Variants in ZCCHC4 observed in about 807,000 individuals in gnomAD.
ZCCHC4 encodes the protein zinc finger CCHC-type containing 4.
ZCCHC4 carries 54 observed loss-of-function variants against 67.7 expected under a neutral mutation model. The ratio of observed to expected loss-of-function variants is 0.80; its 90% CI spans 0.64 to 1.00. The LOEUF is 1.00. ZCCHC4 is among the 50% of genes least tolerant of loss of function. ZCCHC4 has a pLI of 0.00. For synonymous variants in ZCCHC4, 198 were observed against 213.5 expected, an observed-to-expected ratio of 0.93 and a Z score of 0.63; for missense variants, 609 against 617.0, an observed-to-expected ratio of 0.99 and a Z score of 0.14.
chr4:25,319,257 C>T (rs370401252), intron 3 of ZCCHC4, among the ~76,000 whole-genome samples: 12 of 152,028 alleles, frequency 7.9e-5, no homozygotes, highest in African/African-American at 2.4e-4. Flanking sequence ...TGGTGGCGGG[C>T]GCCTGTAGTC....
chr4:25,361,933 C>T lies in ZCCHC4; in HGVS notation c.1086C>T (p.Thr362=). 1 of 1,614,002 alleles carries T rather than the reference C, an allele frequency of 6.2e-7. No individual in the cohort carries two copies. Among genetic ancestry groups the T allele is most frequent in the African/African-American group, 1.3e-5 (1 of 75,034 alleles). Residue 362 remains threonine, a synonymous_variant, in exon 9 of 13, where the codon ACC becomes ACT. Coordinates refer to ENST00000302874, the MANE Select transcript of ZCCHC4 (RefSeq NM_024936.3). ...AACAGTCTCCCGTGCGTATTTTCAC[C>T]AACATTCCGCCCAACAAAATAATCC... is the stretch of plus-strand genomic sequence containing the variant. ...GRKQSPVRIF[T]NIPPNKIILP...
intron 8 of ZCCHC4, among the ~76,000 whole-genome samples, chr4:25,356,086 A>T (rs540437349): frequency 1.3e-5 from 2 of 152,242 alleles, no homozygotes; most frequent in Non-Finnish European, 2.9e-5. Context: ...GTTACAGAAG[A>T]CATTTGCGTA....
At chr4:25,366,197 C>A in intron 12 of ZCCHC4, 1 of 976,504 alleles carries the variant, frequency 1.0e-6, no homozygotes, top group Non-Finnish European at 1.2e-6. Context: ...TGAATTCTGG[C>A]TACTATTACA....
At chr4:25,357,198 C>A (rs1158304812) in intron 8 of ZCCHC4, among the ~76,000 whole-genome samples, 1 of 152,218 alleles carries the variant, frequency 6.6e-6, no homozygotes. Flanking sequence ...TATAGAATAG[C>A]TATCAGATCC....
intron 8 of ZCCHC4, chr4:25,351,983 G>C (rs781424645): frequency 4.2e-5 from 44 of 1,054,812 alleles, no homozygotes; most frequent in Non-Finnish European, 4.6e-5. Context: ...AGGGTTTAGA[G>C]CGGCTGATTT....
chr4:25,349,696 C>A, intron 7 of ZCCHC4, 54 bp downstream of exon 7: 2 of 1,558,430 alleles, frequency 1.3e-6, no homozygotes, highest in South Asian at 1.2e-5. Flanking sequence ...TACTTCCTGT[C>A]AAATATTAGC....
intron 10 of ZCCHC4, 86 bp downstream of exon 10, chr4:25,362,387 TTTG>T (rs1321092913): frequency 5.8e-6 from 5 of 859,166 alleles, no homozygotes; most frequent in South Asian, 4.9e-5. Flanking sequence ...TCAATGTTAT[TTTG>T]TTAATAGGAT....
At position 25,337,663 on chromosome 4, in the gene ZCCHC4, C is replaced by A. The variant is rs114337035; in HGVS notation, c.686+3675C>A. 9.2e-3 allele frequency among the ~76,000 whole-genome samples: 1,402 copies of A among 152,222 alleles called. 13 individuals carry two copies. Among genetic ancestry groups the A allele is most frequent in the African/African-American group, 0.032 (1,330 of 41,534 alleles). On this transcript the variant is annotated intron_variant, in intron 5 of 12. Coordinates refer to ENST00000302874, the MANE Select transcript of ZCCHC4 (RefSeq NM_024936.3). The stretch of plus-strand genomic sequence containing the variant: ...AGTAGGGATGTAGGTGCTGGAGAGA[C>A]AAAAAACCAGATGTCCATAACTAAA...
intron 8 of ZCCHC4, among the ~76,000 whole-genome samples, chr4:25,361,482 C>T (rs1720734864): frequency 6.6e-6 from 1 of 152,240 alleles, no homozygotes; most frequent in East Asian, 1.9e-4. Context: ...ATGTGAGGCT[C>T]ATTAGGTGAT....
Position 25,315,385 on chromosome 4 carries a change from C to G in ZCCHC4, c.314C>G (p.Thr105Arg). The G allele has an allele frequency of 6.2e-7, 1 of 1,612,322 alleles. No homozygotes were observed. Among genetic ancestry groups the G allele is most frequent in the Non-Finnish European group, 8.5e-7 (1 of 1,179,026 alleles). Residue 105 changes from threonine (T) to arginine (R), a missense_variant, in exon 3 of 13, where the codon ACG (threonine) becomes AGG (arginine). By Grantham distance (71) the Thr-to-Arg change is moderately conservative. Coordinates refer to ENST00000302874, the MANE Select transcript of ZCCHC4 (RefSeq NM_024936.3). ...NRRCQPPLSRTQCVERYLKFI... is the reference protein window; with the variant it reads ...NRRCQPPLSRRQCVERYLKFI... ...AGATGTCAGCCTCCCCTGTCCCGAA[C>G]GCAGTGTGTGGAAAGGTACTGATGC...
At chr4:25,338,971 T>G (rs891895882) in intron 5 of ZCCHC4, among the ~76,000 whole-genome samples, 1 of 152,132 alleles carries the variant, frequency 6.6e-6, no homozygotes, top group East Asian at 1.9e-4. Context: ...CAACAGAAAT[T>G]TATTCTCTCA....
intron 5 of ZCCHC4, among the ~76,000 whole-genome samples, chr4:25,339,504 A>G (rs1025291474): frequency 2.0e-5 from 3 of 152,244 alleles, no homozygotes; most frequent in African/African-American, 7.2e-5. Flanking sequence ...TTTGTATTCC[A>G]TGATGGCTAG....
rs575469552 is a variant in ZCCHC4 at position 25,364,778 on chromosome 4, T to G, written c.1262-244T>G. ...ACTCAGCCAGCCTCCATTGTAACAG[T>G]AGCTGTCAGCTCATAACTCATTGGA... On this transcript the variant is annotated intron_variant, in intron 11 of 12. Coordinates refer to ENST00000302874, the MANE Select transcript of ZCCHC4 (RefSeq NM_024936.3). 1.2e-4 allele frequency among the ~76,000 whole-genome samples: 18 copies of G among 152,304 alleles called. No individual in the cohort carries two copies. In the South Asian group the frequency reaches 2.7e-3, roughly 23 times the overall value.
chr4:25,312,822 A>T lies in ZCCHC4; in HGVS notation c.13A>T (p.Arg5Trp). The change falls in exon 1 of 13, where the codon AGG (arginine) becomes TGG (tryptophan). Residue 5 changes from arginine (R) to tryptophan (W), a missense_variant. Coordinates refer to ENST00000302874, the MANE Select transcript of ZCCHC4 (RefSeq NM_024936.3). MAASRNGFEAVEAEG... is the reference protein window; with the variant it reads MAASWNGFEAVEAEG... ...CGGCGGCGGGAAGATGGCGGCCTCCAGGAATGGGTTTGAAGCCGTGGAGGC... is the reference window on the plus strand; with the variant it reads ...CGGCGGCGGGAAGATGGCGGCCTCCTGGAATGGGTTTGAAGCCGTGGAGGC... 6.2e-7 allele frequency: 1 copy of T among 1,613,238 alleles called. No individual in the cohort carries two copies. Among genetic ancestry groups the T allele is most frequent in the Non-Finnish European group, 8.5e-7 (1 of 1,179,980 alleles).
chr4:25,350,000 C>T (rs547037941), intron 7 of ZCCHC4, among the ~76,000 whole-genome samples: 5 of 152,188 alleles, frequency 3.3e-5, no homozygotes, highest in South Asian at 4.1e-4. Context: ...TGAACAAAGC[C>T]GACACATACC....
Position 25,333,953 on chromosome 4 carries a change from T to TA in ZCCHC4, c.653dup (p.Asn218LysfsTer3). ...TGACAGCATCAGGTGACAAGAAGTC[T>TA]AACATTAAAAGCCTTTTATTGGATA... On this transcript the variant is annotated frameshift_variant, in exon 5 of 13. Transcript: ENST00000302874. LOFTEE classifies it high-confidence loss of function. 1 of 1,606,446 alleles carries TA rather than the reference T, an allele frequency of 6.2e-7. No homozygotes were observed. Among genetic ancestry groups the TA allele is most frequent in the Non-Finnish European group, 8.5e-7 (1 of 1,178,348 alleles).
At chr4:25,363,012 ACAT>A (rs1184005213) in intron 10 of ZCCHC4, among the ~76,000 whole-genome samples, 8 of 152,106 alleles carry the variant, frequency 5.3e-5, no homozygotes, top group Non-Finnish European at 1.2e-4. Flanking sequence ...CTGCGTTGAC[ACAT>A]CATTAACACC....
chr4:25,323,405 G>A (rs901486392), intron 3 of ZCCHC4, among the ~76,000 whole-genome samples: 3 of 108,638 alleles, frequency 2.8e-5, no homozygotes, highest in African/African-American at 5.4e-5. Context: ...TTGTTCTGTT[G>A]TGTTTTTTTT....
In ZCCHC4 at chr4:25,365,057, G is replaced by C; in HGVS notation, c.1297G>C (p.Val433Leu). 6.2e-7 allele frequency: 1 copy of C among 1,614,176 alleles called. No individual in the cohort carries two copies. Among genetic ancestry groups the C allele is most frequent in the Non-Finnish European group, 8.5e-7 (1 of 1,180,024 alleles). The part of the protein sequence containing the change: ...IHCSICNHCA[V>L]PDHSCEGPKH... ...CTGTAGCATCTGCAATCACTGTGCT[G>C]TTCCAGATCATTCTTGTGAGGGCCC... The change falls in exon 12 of 13, where the codon GTT (valine) becomes CTT (leucine). Residue 433 changes from valine (V) to leucine (L), a missense_variant. Transcript: ENST00000302874.
Sources: allele counts gnomAD v4.1 joint callset (sites outside exome capture counted in the v4.1 genomes callset), GRCh38; gene constraint gnomAD v4.1.1; transcripts MANE v1.5; gene names NCBI Gene and HGNC (gene_info 2026-07-23, HGNC 2026-07-21).